Variants in EFNA5 observed in about 807,000 individuals in gnomAD.
EFNA5 encodes the protein ephrin-A5.
In EFNA5, 5 loss-of-function variants were observed where a neutral mutation model predicts 22.9. The ratio of observed to expected loss-of-function variants is 0.22; its 90% confidence interval spans 0.11 to 0.46. The LOEUF is 0.46. Among genes scored for constraint, EFNA5 ranks in the 20% least tolerant of loss-of-function variants. The pLI is 0.99. For missense variants in EFNA5, 237 were observed against 293.3 expected (o/e 0.81, Z 1.40); for synonymous variants, 113 against 112.2 (o/e 1.01, Z -0.04).
intron 1 of EFNA5, among the ~76,000 whole-genome samples, chr5:107,654,297 A>G (rs567840483): frequency 6.6e-6 from 1 of 152,310 alleles, no homozygotes; most frequent in Non-Finnish European, 1.5e-5. Flanking sequence ...TCTATATTAA[A>G]TATGAAACTA....
chr5:107,564,644 T>A (rs1580532945), intron 1 of EFNA5, among the ~76,000 whole-genome samples: 1 of 150,804 alleles, frequency 6.6e-6, no homozygotes, highest in African/African-American at 2.4e-5. Context: ...TTTTTTTTTT[T>A]TTTTTTTGAT....
At chr5:107,477,112 C>G (rs1750333834) in intron 1 of EFNA5, among the ~76,000 whole-genome samples, 1 of 151,558 alleles carries the variant, frequency 6.6e-6, no homozygotes, top group Non-Finnish European at 1.5e-5. Flanking sequence ...TCCTAGTAAC[C>G]AAAACAAAAA....
At chr5:107,582,930 A>G (rs73198690) in intron 1 of EFNA5, among the ~76,000 whole-genome samples, 4,517 of 152,262 alleles carry the variant, frequency 0.03, 243 homozygotes, top group African/African-American at 0.1. Context: ...AGTTAGTAGG[A>G]TTCCTTTATG....
At chr5:107,532,491 G>A (rs776125862) in intron 1 of EFNA5, among the ~76,000 whole-genome samples, 78 of 152,330 alleles carry the variant, frequency 5.1e-4, no homozygotes, top group Middle Eastern at 3.4e-3. Context: ...GAATTAGCCG[G>A]GTTAAATGAG....
intron 3 of EFNA5, 33 bp downstream of exon 3, chr5:107,387,673 G>A (rs1312674710): frequency 1.3e-6 from 2 of 1,547,800 alleles, no homozygotes; most frequent in Admixed American, 1.8e-5. Flanking sequence ...GCGCGGTGAA[G>A]CCACCCTCTG....
chr5:107,467,180 A>T (rs1750010151), intron 1 of EFNA5, among the ~76,000 whole-genome samples: 1 of 152,154 alleles, frequency 6.6e-6, no homozygotes, highest in African/African-American at 2.4e-5. Context: ...GCATCTATCA[A>T]ATCTCATCAC....
chr5:107,584,957 G>T (rs1254419282), intron 1 of EFNA5, among the ~76,000 whole-genome samples: 1 of 152,154 alleles, frequency 6.6e-6, no homozygotes, highest in Non-Finnish European at 1.5e-5. Context: ...TCTTCTTCTG[G>T]TTATTCTAAT....
chr5:107,518,503 G>A (rs1256296711), intron 1 of EFNA5, among the ~76,000 whole-genome samples: 2 of 151,980 alleles, frequency 1.3e-5, no homozygotes, highest in African/African-American at 4.8e-5. Flanking sequence ...GGGGACTGGT[G>A]GGCAGAAGGA....
At chr5:107,661,137 AG>A (rs1750948591) in intron 1 of EFNA5, among the ~76,000 whole-genome samples, 1 of 132,276 alleles carries the variant, frequency 7.6e-6, no homozygotes. Flanking sequence ...AAGAAGAAGA[AG>A]AAGAAGAAAA....
At chr5:107,521,705 G>A (rs78583456) in intron 1 of EFNA5, among the ~76,000 whole-genome samples, 133 of 152,132 alleles carry the variant, frequency 8.7e-4, no homozygotes, top group African/African-American at 3.0e-3. Context: ...TCGCCAGCCT[G>A]GGAAAAGATC....
chr5:107,505,838 C>T (rs780790210), intron 1 of EFNA5, among the ~76,000 whole-genome samples: 1 of 151,926 alleles, frequency 6.6e-6, no homozygotes, highest in African/African-American at 2.4e-5. Context: ...CTCTCCCCCC[C>T]ACCTTCTCTT....
intron 1 of EFNA5, among the ~76,000 whole-genome samples, chr5:107,639,342 G>C (rs559896427): frequency 6.6e-6 from 1 of 152,318 alleles, no homozygotes; most frequent in Non-Finnish European, 1.5e-5. Flanking sequence ...TCAGTGAAGT[G>C]CTTAAGAGCA....
At chr5:107,390,730 A>G (rs1305203309) in intron 2 of EFNA5, among the ~76,000 whole-genome samples, 1 of 151,488 alleles carries the variant, frequency 6.6e-6, no homozygotes, top group Non-Finnish European at 1.5e-5. Flanking sequence ...TACATAAATT[A>G]TATTCACTAT....
At position 107,382,670 on chromosome 5, in the gene EFNA5, A is replaced by C. The variant is rs948475090; in HGVS notation, c.566-1294T>G. Among the ~76,000 whole-genome samples, 23 of 152,270 alleles carry C rather than the reference A, an allele frequency of 1.5e-4. No homozygotes were observed. In the East Asian group the frequency reaches 1.9e-3, roughly 13 times the overall value. On this transcript the variant is annotated intron_variant, in intron 4 of 4. Transcript: ENST00000333274. ...TAGACATGAGCCACTATACCTGGCC[A>C]CTTGTGCTTTTAGACTAAGGATCTC...
At chr5:107,568,747 G>A (rs1032756380) in intron 1 of EFNA5, among the ~76,000 whole-genome samples, 1 of 152,176 alleles carries the variant, frequency 6.6e-6, no homozygotes, top group East Asian at 1.9e-4. Context: ...TTTGAGCCTT[G>A]TGATGAAATC....
intron 1 of EFNA5, among the ~76,000 whole-genome samples, chr5:107,556,580 T>C (rs1748421486): frequency 1.3e-5 from 2 of 151,892 alleles, no homozygotes; most frequent in Non-Finnish European, 2.9e-5. Flanking sequence ...ACCCCGTTTC[T>C]AGTAAAAATA....
chr5:107,643,110 G>A (rs2112546037), intron 1 of EFNA5, among the ~76,000 whole-genome samples: 1 of 152,238 alleles, frequency 6.6e-6, no homozygotes, highest in East Asian at 1.9e-4. Context: ...GGAGGCAACA[G>A]CACATTTCTC....
At chr5:107,647,240 A>C (rs1750646944) in intron 1 of EFNA5, among the ~76,000 whole-genome samples, 1 of 152,154 alleles carries the variant, frequency 6.6e-6, no homozygotes, top group Admixed American at 6.6e-5. Flanking sequence ...TAAGAGCCAG[A>C]CAAGCAAACT....
intron 2 of EFNA5, among the ~76,000 whole-genome samples, chr5:107,424,858 C>T (rs1225108535): frequency 2.0e-5 from 3 of 152,082 alleles, no homozygotes; most frequent in African/African-American, 4.8e-5. Flanking sequence ...GAGAAGAAAC[C>T]CTTTCATTAC....
Sources: gnomAD v4.1 joint callset for allele counts (sites outside exome capture counted in the v4.1 genomes callset) on GRCh38, gnomAD v4.1.1 for gene constraint, MANE v1.5 for transcripts, NCBI Gene and HGNC (gene_info 2026-07-23, HGNC 2026-07-21) for gene names.